The following ARSB variants were observed in gnomAD, a reference collection of about 807,000 sequenced individuals.
ARSB encodes N-acetylgalactosamine-4-sulfatase.
ARSB carries 41 observed loss-of-function variants against 50.9 expected under a neutral mutation model. The ratio of observed to expected loss-of-function variants is 0.81; its 90% CI spans 0.63 to 1.04. ARSB has a LOEUF of 1.04. Ranked by LOEUF, ARSB falls within the 50% of genes least tolerant of loss-of-function variation. ARSB has a pLI of 0.00. For missense variants in ARSB, 672 were observed against 693.3 expected (o/e 0.97, Z 0.35); for synonymous variants, 269 against 284.8 (o/e 0.94, Z 0.56).
intron 6 of ARSB, among the ~76,000 whole-genome samples, chr5:78,817,681 T>C (rs1744052412): frequency 6.6e-6 from 1 of 151,940 alleles, no homozygotes; most frequent in Non-Finnish European, 1.5e-5. Context: ...TGGTGCCATA[T>C]GCCTGTACTC....
intron 4 of ARSB, among the ~76,000 whole-genome samples, chr5:78,950,524 C>T (rs1751451104): frequency 6.6e-6 from 1 of 152,154 alleles, no homozygotes; most frequent in South Asian, 2.1e-4. Context: ...GAAGGTCTGG[C>T]AGTGCTGGCA....
intron 4 of ARSB, among the ~76,000 whole-genome samples, chr5:78,936,509 G>A (rs193100786): frequency 7.8e-4 from 119 of 151,736 alleles, no homozygotes; most frequent in African/African-American, 2.6e-3. Context: ...GGTGGGGAAG[G>A]GATAGGTGTA....
At chr5:78,943,790 C>T (rs1249634850) in intron 4 of ARSB, among the ~76,000 whole-genome samples, 1 of 152,136 alleles carries the variant, frequency 6.6e-6, no homozygotes, top group African/African-American at 2.4e-5. Context: ...ATCTTTGTGG[C>T]ATTCTCTGTA....
intron 4 of ARSB, among the ~76,000 whole-genome samples, chr5:78,938,465 A>G (rs922949223): frequency 6.6e-6 from 1 of 152,202 alleles, no homozygotes; most frequent in African/African-American, 2.4e-5. Flanking sequence ...CGCCAAATAA[A>G]TGCATAATTG....
chr5:78,781,637 T>C (rs989064434), intron 7 of ARSB, among the ~76,000 whole-genome samples: 1 of 151,844 alleles, frequency 6.6e-6, no homozygotes, highest in African/African-American at 2.4e-5. Flanking sequence ...CTGAGCAAAG[T>C]GAGGTAAGTG....
intron 4 of ARSB, among the ~76,000 whole-genome samples, chr5:78,940,514 T>C (rs2112430783): frequency 6.6e-6 from 1 of 152,364 alleles, no homozygotes; most frequent in African/African-American, 2.4e-5. Context: ...GCTAGCCAGC[T>C]TTCCCAGCAC....
At chr5:78,792,030 T>TA (rs151297473) in intron 6 of ARSB, among the ~76,000 whole-genome samples, 4,975 of 143,448 alleles carry the variant, frequency 0.035, 260 homozygotes, top group African/African-American at 0.12. Flanking sequence ...GCTGATGAGC[T>TA]AAAAAAAAAA....
intron 5 of ARSB, among the ~76,000 whole-genome samples, chr5:78,855,063 G>C (rs1746068309): frequency 6.6e-6 from 1 of 152,196 alleles, no homozygotes; most frequent in African/African-American, 2.4e-5. Flanking sequence ...CAGGAGGCTA[G>C]TACAGCCCCA....
intron 4 of ARSB, among the ~76,000 whole-genome samples, chr5:78,897,739 G>C (rs1463433410): frequency 1.3e-5 from 2 of 151,696 alleles, no homozygotes; most frequent in African/African-American, 4.8e-5. Context: ...GTAATATGTG[G>C]ACTCTCATAA....
chr5:78,973,734 G>A (rs1230456185), intron 1 of ARSB, among the ~76,000 whole-genome samples: 1 of 152,174 alleles, frequency 6.6e-6, no homozygotes, highest in African/African-American at 2.4e-5. Context: ...TCTCCCAAGA[G>A]CGAAGCAAAC....
chr5:78,937,521 A>T (rs1750687883), intron 4 of ARSB, among the ~76,000 whole-genome samples: 1 of 149,814 alleles, frequency 6.7e-6, no homozygotes, highest in Admixed American at 6.7e-5. Flanking sequence ...CTTCTCACAG[A>T]ATTGTGAAAA....
chr5:78,811,218 T>C (rs960936521), intron 6 of ARSB, among the ~76,000 whole-genome samples: 12 of 152,214 alleles, frequency 7.9e-5, no homozygotes, highest in Admixed American at 3.3e-4. Context: ...CATTTCCTAG[T>C]ACAGTGAAAC....
intron 4 of ARSB, among the ~76,000 whole-genome samples, chr5:78,935,033 T>A (rs1205060804): frequency 6.6e-6 from 1 of 152,164 alleles, no homozygotes; most frequent in Non-Finnish European, 1.5e-5. Flanking sequence ...AATTTCATTT[T>A]TAAGTCATAC....
intron 5 of ARSB, among the ~76,000 whole-genome samples, chr5:78,848,623 T>C (rs986053006): frequency 6.6e-6 from 1 of 151,860 alleles, no homozygotes; most frequent in African/African-American, 2.4e-5. Flanking sequence ...AGTCTAGTTC[T>C]AGATCCCTGA....
intron 4 of ARSB, among the ~76,000 whole-genome samples, chr5:78,889,224 C>A (rs758638894): frequency 1.3e-4 from 20 of 152,208 alleles, no homozygotes; most frequent in Admixed American, 5.2e-4. Context: ...AAAATAAGCT[C>A]TTTTGCAACA....
chr5:78,890,479 T>G (rs758825536), intron 4 of ARSB, among the ~76,000 whole-genome samples: 40 of 152,138 alleles, frequency 2.6e-4, no homozygotes, highest in Non-Finnish European at 5.3e-4. Flanking sequence ...TTCTGCCAAG[T>G]CTACCTTTAA....
chr5:78,781,876 A>G lies in ARSB; in HGVS notation c.1312T>C (p.Trp438Arg). Residue 438 changes from tryptophan to arginine, a missense_variant, in exon 7 of 8, where the codon TGG (tryptophan) becomes CGG (arginine). Physicochemically the swap from Trp to Arg is moderately radical, Grantham distance 101. Transcript: ENST00000264914. ...SVHAAIRHGN[W>R]KLLTGYPGCG... Reference sequence around the variant, plus strand: ...CCTGGGTAGCCCGTGAGGAGTTTCCAATTTCCATGTCTAATTGCAGCATGG... The same window carrying G: ...CCTGGGTAGCCCGTGAGGAGTTTCCGATTTCCATGTCTAATTGCAGCATGG... The G allele has an allele frequency of 6.2e-7, 1 of 1,614,144 alleles. No homozygotes were observed. The highest frequency in any genetic ancestry group is 8.5e-7 in the Non-Finnish European group (1 of 1,179,972).
chr5:78,918,749 G>A (rs1425730352), intron 4 of ARSB, among the ~76,000 whole-genome samples: 1 of 152,172 alleles, frequency 6.6e-6, no homozygotes, highest in East Asian at 1.9e-4. Flanking sequence ...TTATCAAAAG[G>A]TCACTACCAA....
chr5:78,956,191 GAAAT>G (rs1353556564), intron 3 of ARSB, among the ~76,000 whole-genome samples: 1 of 152,120 alleles, frequency 6.6e-6, no homozygotes, highest in Admixed American at 6.5e-5. Flanking sequence ...GGCAATAAAT[GAAAT>G]AAAGTATTGA....
Sources: allele counts gnomAD v4.1 joint callset (sites outside exome capture counted in the v4.1 genomes callset), GRCh38; gene constraint gnomAD v4.1.1; transcripts MANE v1.5; gene names NCBI Gene and HGNC (gene_info 2026-07-23, HGNC 2026-07-21).